The following SLC4A1AP variants were observed in gnomAD, a reference collection of about 807,000 sequenced individuals.
The protein encoded by SLC4A1AP is kanadaptin.
A neutral mutation model predicts 89.7 loss-of-function variants in SLC4A1AP; 64 were observed. The observed-to-expected ratio is 0.71, with a 90% CI of 0.58 to 0.88. The LOEUF (loss-of-function observed/expected upper bound fraction) is 0.88. Among genes scored for constraint, SLC4A1AP ranks in the 40% least tolerant of loss-of-function variants. SLC4A1AP has a pLI of 0.00. For missense variants in SLC4A1AP, 931 were observed against 965.0 expected, an observed-to-expected ratio of 0.96 and a Z score of 0.47; for synonymous variants, 366 against 353.3, an observed-to-expected ratio of 1.04 and a Z score of -0.40.
intron 3 of SLC4A1AP, 133 bp from the exon 4 acceptor site, chr2:27,668,710 A>C (rs775720977): frequency 2.4e-6 from 2 of 843,414 alleles, no homozygotes; most frequent in Non-Finnish European, 4.0e-6. Context: ...TCAGCCTCCC[A>C]AAGTGTTAGG....
chr2:27,688,712 AAT>A lies in SLC4A1AP; in HGVS notation c.2219_2220del (p.Tyr740Ter). 1 of 1,600,822 alleles carries A rather than the reference AAT, an allele frequency of 6.2e-7. No homozygotes were observed. Among genetic ancestry groups the A allele is most frequent in the South Asian group, 1.1e-5 (1 of 88,134 alleles). ...TTTCTTAAATTAGCATCAAAGAATGAATATGAGAAAAGCAGAGGTGAATTGAA... is the reference window on the plus strand; with the variant it reads ...TTTCTTAAATTAGCATCAAAGAATGAATGAGAAAAGCAGAGGTGAATTGAA... On this transcript the variant is annotated frameshift_variant, in exon 12 of 14. Transcript: ENST00000613058. LOFTEE classifies it high-confidence loss of function.
In SLC4A1AP at chr2:27,676,817, G is replaced by C. The variant is rs554799976; in HGVS notation, c.1507-478G>C. 3.0e-4 allele frequency among the ~76,000 whole-genome samples: 43 copies of C among 144,504 alleles called. 2 individuals carry two copies. In the South Asian group the frequency reaches 9.6e-3, roughly 32 times the overall value. The allele number at this position is 144,504 out of a possible 152,430, so 94.8% of individuals were successfully genotyped here. On this transcript the variant is annotated intron_variant, in intron 6 of 13. Transcript: ENST00000613058. ...TGCACTGCAGCCTGGGTGACAGTGC[G>C]AGACTCCATCTCAAAAAAAAAAAAA...
chr2:27,664,318 G>A, exon 1 of SLC4A1AP: 1 of 1,614,218 alleles, frequency 6.2e-7, no homozygotes, highest in Non-Finnish European at 8.5e-7. Flanking sequence ...ACGAGTTACT[G>A]CCTTTTCGGG....
chr2:27,672,848 T>C (rs1428379064), intron 5 of SLC4A1AP, among the ~76,000 whole-genome samples: 4 of 152,204 alleles, frequency 2.6e-5, no homozygotes, highest in Non-Finnish European at 4.4e-5. Context: ...GAGAGTGCTC[T>C]TCCAATCTCC....
Position 27,669,591 on chromosome 2 carries a change from C to T in SLC4A1AP, c.1345+204C>T, listed in dbSNP as rs111593092. 7.8e-3 allele frequency among the ~76,000 whole-genome samples: 1,190 copies of T among 152,240 alleles called. 12 individuals carry two copies. Among genetic ancestry groups the T allele is most frequent in the African/African-American group, 0.027 (1,137 of 41,532 alleles). On this transcript the variant is annotated intron_variant, in intron 5 of 13. Coordinates refer to ENST00000613058, the Ensembl canonical transcript of SLC4A1AP. ...TGCATATATAGATGTGTGCTGAGACCTAGATCCTTTAACAAAAAACACTCA... is the reference window on the plus strand; with the variant it reads ...TGCATATATAGATGTGTGCTGAGACTTAGATCCTTTAACAAAAAACACTCA...
At chr2:27,665,584 A>T (rs539757043) in intron 2 of SLC4A1AP, among the ~76,000 whole-genome samples, 232 of 152,308 alleles carry the variant, frequency 1.5e-3, no homozygotes, top group African/African-American at 4.2e-3. Flanking sequence ...CTAAAATTTT[A>T]TATTTATTAA....
At chr2:27,681,107 C>A (rs1319494511) in intron 8 of SLC4A1AP, among the ~76,000 whole-genome samples, 3 of 152,202 alleles carry the variant, frequency 2.0e-5, no homozygotes, top group Non-Finnish European at 4.4e-5. Flanking sequence ...TCCTCTAGGC[C>A]AGCCTGGCTT....
chr2:27,669,668 C>A (rs1453238372), intron 5 of SLC4A1AP, among the ~76,000 whole-genome samples: 1 of 151,860 alleles, frequency 6.6e-6, no homozygotes, highest in Non-Finnish European at 1.5e-5. Flanking sequence ...ACTTTTTTAA[C>A]ATAAGAATGT....
At chr2:27,673,853 G>A (rs1046369228) in intron 5 of SLC4A1AP, among the ~76,000 whole-genome samples, 16 of 152,092 alleles carry the variant, frequency 1.1e-4, no homozygotes, top group African/African-American at 3.9e-4. Context: ...AAGGTCATTG[G>A]CTGCAGAAGC....
In SLC4A1AP at chr2:27,688,784, T is replaced by C; in HGVS notation, c.2271+17T>C. On this transcript the variant is annotated intron_variant, in intron 12 of 13. Transcript: ENST00000613058. ...CCAGGCAAAGTAAGTATTTCACTTG[T>C]CTGGGAGTAAAAATGAATCCCTTTG... 1.3e-6 allele frequency: 2 copies of C among 1,581,400 alleles called. No homozygotes were observed. Among genetic ancestry groups the C allele is most frequent in the Non-Finnish European group, 1.7e-6 (2 of 1,163,882 alleles).
intron 5 of SLC4A1AP, 34 bp downstream of exon 5, chr2:27,669,421 A>T (rs748332413): frequency 1.4e-6 from 2 of 1,443,636 alleles, no homozygotes; most frequent in Non-Finnish European, 1.8e-6. Context: ...TTCTAGATTT[A>T]AAAAAAGGAA....
chr2:27,687,020 TC>T (rs1675713037), intron 10 of SLC4A1AP, among the ~76,000 whole-genome samples: 1 of 152,126 alleles, frequency 6.6e-6, no homozygotes, highest in South Asian at 2.1e-4. Flanking sequence ...CTCAAGCTGG[TC>T]TCAAACTCCT....
exon 1 of SLC4A1AP, chr2:27,664,121 G>T: frequency 6.2e-7 from 1 of 1,614,132 alleles, no homozygotes; most frequent in Non-Finnish European, 8.5e-7. Context: ...CTCCTCAGCC[G>T]GACTGCGGTG....
At chr2:27,693,828 G>T in intron 13 of SLC4A1AP, 74 bp downstream of exon 13, 2 of 1,133,026 alleles carry the variant, frequency 1.8e-6, no homozygotes, top group South Asian at 2.9e-5. Context: ...TAGATTTAAG[G>T]TTCAACATAA....
intron 2 of SLC4A1AP, among the ~76,000 whole-genome samples, chr2:27,666,776 A>G (rs1675334063): frequency 6.6e-6 from 1 of 151,992 alleles, no homozygotes; most frequent in Non-Finnish European, 1.5e-5. Flanking sequence ...AAACCTGAAT[A>G]TGCTCATACT....
At chr2:27,680,221 T>G (rs1675597442) in intron 8 of SLC4A1AP, among the ~76,000 whole-genome samples, 1 of 152,132 alleles carries the variant, frequency 6.6e-6, no homozygotes, top group East Asian at 1.9e-4. Context: ...ATAATATTGA[T>G]TGCCAATGGG....
intron 5 of SLC4A1AP, among the ~76,000 whole-genome samples, chr2:27,670,102 A>G (rs1343432763): frequency 1.3e-5 from 2 of 152,158 alleles, no homozygotes; most frequent in African/African-American, 4.8e-5. Context: ...ACCTCAGGTG[A>G]TCCACCTGCC....
At chr2:27,687,871 G>A in intron 10 of SLC4A1AP, 63 bp from the exon 11 acceptor site, 1 of 1,309,286 alleles carries the variant, frequency 7.6e-7, no homozygotes, top group Admixed American at 1.9e-5. Flanking sequence ...TTTTGTTTTT[G>A]TTTGTTTGGC....
At chr2:27,687,867 TTTTG>T (rs764175962) in intron 10 of SLC4A1AP, 63 bp from the exon 11 acceptor site, 62 of 1,252,170 alleles carry the variant, frequency 5.0e-5, no homozygotes, top group African/African-American at 6.0e-5. Context: ...TTGTTTTTGT[TTTTG>T]TTTGTTTGGC....
Sources: gnomAD v4.1 joint callset for allele counts (sites outside exome capture counted in the v4.1 genomes callset) on GRCh38, gnomAD v4.1.1 for gene constraint, MANE v1.5 for transcripts, NCBI Gene and HGNC (gene_info 2026-07-23, HGNC 2026-07-21) for gene names.